Variants in DGAT2L6 observed in about 807,000 individuals in gnomAD.
The protein encoded by DGAT2L6 is diacylglycerol O-acyltransferase 2-like protein 6.
In DGAT2L6, 22 loss-of-function variants were observed where a neutral mutation model predicts 25.5. That is an observed-to-expected ratio of 0.86 (90% CI 0.62 to 1.23). The LOEUF is 1.23. DGAT2L6 is among the 50% of genes most tolerant of loss of function. The pLI is 0.00. For missense variants in DGAT2L6, 287 were observed against 253.2 expected, an observed-to-expected ratio of 1.13 and a Z score of -0.91; for synonymous variants, 100 against 94.7, an observed-to-expected ratio of 1.06 and a Z score of -0.32.
At chrX:70,203,723 G>A (rs1274475238) in intron 5 of DGAT2L6, among the ~76,000 whole-genome samples, 4 of 110,944 alleles carry the variant, frequency 3.6e-5, no homozygotes, top group Non-Finnish European at 5.7e-5. Context: ...CGCGTTGGGG[G>A]AAATGAAGTG....
chrX:70,185,561 A>G (rs936437542), intron 1 of DGAT2L6, among the ~76,000 whole-genome samples: 1 of 112,262 alleles, frequency 8.9e-6, no homozygotes. Context: ...GATAATATAC[A>G]TTAAGTGCTG....
chrX:70,177,614 A>G lies in DGAT2L6; in HGVS notation c.32A>G (p.Glu11Gly), dbSNP rs2085330943. ...TTCTTCTCCCGACTGAATCTCCAGG[A>G]GGGCCTCCAAACCTTCTTTGTTTTG... MAFFSRLNLQ[E>G]GLQTFFVLQW... The change falls in exon 1 of 7, where the codon GAG becomes GGG. Residue 11 changes from glutamate to glycine, a missense_variant. Transcript: ENST00000333026. The G allele has an allele frequency of 4.1e-6, 5 of 1,211,118 alleles. No homozygotes were observed. Among genetic ancestry groups the G allele is most frequent in the Non-Finnish European group, 5.6e-6 (5 of 894,935 alleles).
intron 1 of DGAT2L6, among the ~76,000 whole-genome samples, chrX:70,187,116 G>A (rs2085362079): frequency 8.9e-6 from 1 of 111,762 alleles, no homozygotes; most frequent in Admixed American, 9.5e-5. Flanking sequence ...ATCAAGTCCT[G>A]GACCATAGCA....
intron 4 of DGAT2L6, among the ~76,000 whole-genome samples, chrX:70,200,913 C>T (rs953502127): frequency 6.3e-5 from 7 of 111,815 alleles, no homozygotes; most frequent in Non-Finnish European, 1.3e-4. Flanking sequence ...GTCTATCATA[C>T]TAGCTAAAAC....
At chrX:70,203,820 T>C (rs1476931557) in intron 5 of DGAT2L6, among the ~76,000 whole-genome samples, 1 of 110,173 alleles carries the variant, frequency 9.1e-6, no homozygotes, top group Non-Finnish European at 1.9e-5. Context: ...AGAAGGAAGA[T>C]ACTTCCGACA....
chrX:70,182,984 G>C (rs750912999), intron 1 of DGAT2L6, among the ~76,000 whole-genome samples: 5 of 110,008 alleles, frequency 4.5e-5, no homozygotes, highest in African/African-American at 1.3e-4. Context: ...GTAGAGACAG[G>C]GTTTTGCCAC....
intron 1 of DGAT2L6, among the ~76,000 whole-genome samples, chrX:70,184,942 T>G (rs1302603285): frequency 9.0e-6 from 1 of 111,566 alleles, no homozygotes; most frequent in Non-Finnish European, 1.9e-5. Flanking sequence ...TTGGCTTTCA[T>G]CTGAATGCCA....
chrX:70,205,466 T>C lies in DGAT2L6; in HGVS notation c.*360T>C. 6.5e-6 allele frequency: 1 copy of C among 153,103 alleles called. No individual in the cohort carries two copies. Among genetic ancestry groups the C allele is most frequent in the East Asian group, 1.5e-4 (1 of 6,514 alleles). 12.6% of individuals were successfully genotyped at this position (153,103 alleles called of 1,213,427 possible). ...TACTGTGCCCCTTTCTCCTAAACCTTAGTTCACCATCACTACGTAGGTTTA... is the reference window on the plus strand; with the variant it reads ...TACTGTGCCCCTTTCTCCTAAACCTCAGTTCACCATCACTACGTAGGTTTA... On this transcript the variant is annotated 3_prime_UTR_variant, in exon 7 of 7. Coordinates refer to ENST00000333026, the MANE Select transcript of DGAT2L6 (RefSeq NM_198512.3).
chrX:70,195,460 A>G (rs1003050704), intron 1 of DGAT2L6, among the ~76,000 whole-genome samples: 2 of 45,517 alleles, frequency 4.4e-5, no homozygotes, highest in Non-Finnish European at 7.9e-5. Flanking sequence ...GAATAAAGAA[A>G]GTGTCACACA....
chrX:70,197,385 C>T (rs868392088), intron 1 of DGAT2L6, among the ~76,000 whole-genome samples: 1 of 111,833 alleles, frequency 8.9e-6, no homozygotes, highest in Middle Eastern at 4.6e-3. Context: ...TCCTCGTCTC[C>T]TGCCGGGTCA....
At position 70,202,142 on chromosome X, in the gene DGAT2L6, C is replaced by T. The variant is rs934942996; in HGVS notation, c.647+78C>T. 5 of 906,501 alleles carry T rather than the reference C, an allele frequency of 5.5e-6. No individual in the cohort carries two copies. In the African/African-American group the frequency reaches 1.0e-4, roughly 19 times the overall value. 74.7% of individuals were successfully genotyped at this position (906,501 alleles called of 1,213,427 possible). On this transcript the variant is annotated intron_variant, in intron 5 of 6. Transcript: ENST00000333026. Reference sequence around the variant, plus strand: ...AGCCCTCTCCAGAATGGTGCCCTCCCTGGGCACCTGTTAGAGGGCCCCCAT... The same window carrying T: ...AGCCCTCTCCAGAATGGTGCCCTCCTTGGGCACCTGTTAGAGGGCCCCCAT...
rs1489067208 is a variant in DGAT2L6 at position 70,201,899 on chromosome X, C to G, written c.482C>G (p.Pro161Arg). ...CTCTTTGGTTTCACAGGTGTGTGCC[C>G]TGTGAGTAGCTCAGCCTTGAAGTAC... ...REYVMSMGVC[P>R]VSSSALKYLL... Residue 161 changes from proline to arginine, a missense_variant, in exon 5 of 7, where the codon CCT (proline) becomes CGT (arginine). Physicochemically the swap from Pro to Arg is moderately radical, Grantham distance 103. Coordinates refer to ENST00000333026, the MANE Select transcript of DGAT2L6 (RefSeq NM_198512.3). 8.4e-7 allele frequency: 1 copy of G among 1,187,975 alleles called. No homozygotes were observed. The highest frequency in any genetic ancestry group is 2.4e-5 in the Admixed American group (1 of 42,550).
chrX:70,198,630 C>T (rs1406663715), intron 1 of DGAT2L6, among the ~76,000 whole-genome samples: 1 of 111,434 alleles, frequency 9.0e-6, no homozygotes, highest in East Asian at 2.8e-4. Flanking sequence ...GCAACCTCCA[C>T]CTCCTGGGTT....
chrX:70,199,992 C>T (rs368777263), intron 3 of DGAT2L6, 110 bp downstream of exon 3: 2 of 816,842 alleles, frequency 2.4e-6, no homozygotes, highest in East Asian at 6.7e-5. Flanking sequence ...GGTCAAGGCC[C>T]CGAGTCATAA....
intron 1 of DGAT2L6, among the ~76,000 whole-genome samples, chrX:70,187,500 C>A (rs772369680): frequency 9.0e-6 from 1 of 111,401 alleles, no homozygotes; most frequent in African/African-American, 3.3e-5. Flanking sequence ...CACAGGAAAC[C>A]ATATTTATTG....
At chrX:70,182,985 G>T (rs185245815) in intron 1 of DGAT2L6, among the ~76,000 whole-genome samples, 5 of 110,178 alleles carry the variant, frequency 4.5e-5, no homozygotes, top group African/African-American at 1.7e-4. Context: ...TAGAGACAGG[G>T]TTTTGCCACG....
intron 1 of DGAT2L6, among the ~76,000 whole-genome samples, chrX:70,190,335 A>T (rs927790842): frequency 3.6e-5 from 4 of 111,933 alleles, no homozygotes; most frequent in African/African-American, 1.3e-4. Flanking sequence ...ATCTCTCCAG[A>T]GCAACAAGAA....
chrX:70,185,275 A>G (rs1270591783), intron 1 of DGAT2L6, among the ~76,000 whole-genome samples: 1 of 111,732 alleles, frequency 8.9e-6, no homozygotes, highest in African/African-American at 3.3e-5. Flanking sequence ...CATCTGACAA[A>G]AATCCTACCT....
At chrX:70,202,114 T>C in intron 5 of DGAT2L6, 50 bp downstream of exon 5, 1 of 1,062,870 alleles carries the variant, frequency 9.4e-7, no homozygotes, top group African/African-American at 1.9e-5. Context: ...ATAGGCCCTC[T>C]GTAGCCCTCT....
Sources: gnomAD v4.1 joint callset for allele counts (sites outside exome capture counted in the v4.1 genomes callset) on GRCh38, gnomAD v4.1.1 for gene constraint, MANE v1.5 for transcripts, NCBI Gene and HGNC (gene_info 2026-07-23, HGNC 2026-07-21) for gene names.